The following PLPP4 variants were observed in gnomAD, a reference collection of about 807,000 sequenced individuals.
The protein encoded by PLPP4 is diacylglycerol pyrophosphate like 2.
PLPP4 carries 20 observed loss-of-function variants against 32.2 expected under a neutral mutation model. The ratio of observed to expected loss-of-function variants is 0.62; its 90% confidence interval spans 0.44 to 0.90. The LOEUF is 0.90. Ranked by LOEUF, PLPP4 falls within the 40% of genes least tolerant of loss-of-function variation. The pLI is 0.00. For synonymous variants in PLPP4, 127 were observed against 133.0 expected, an observed-to-expected ratio of 0.95 and a Z score of 0.31; for missense variants, 257 against 353.1, an observed-to-expected ratio of 0.73 and a Z score of 2.18.
intron 1 of PLPP4, among the ~76,000 whole-genome samples, chr10:120,497,231 G>A (rs1303476556): frequency 1.3e-5 from 2 of 152,180 alleles, no homozygotes; most frequent in African/African-American, 2.4e-5. Flanking sequence ...GGAGGGGTGT[G>A]TGGTTTTCTG....
intron 2 of PLPP4, among the ~76,000 whole-genome samples, chr10:120,507,624 A>G (rs1190492604): frequency 6.6e-6 from 1 of 152,148 alleles, no homozygotes; most frequent in Non-Finnish European, 1.5e-5. Context: ...TCTCACTTGG[A>G]GGCACTCCGC....
At position 120,574,479 on chromosome 10, in the gene PLPP4, G is replaced by A. The variant is rs78388980; in HGVS notation, c.446-652G>A. Among the ~76,000 whole-genome samples, 1,466 of 152,256 alleles carry A rather than the reference G, an allele frequency of 9.6e-3. 21 individuals carry two copies. The highest frequency in any genetic ancestry group is 0.034 in the African/African-American group (1,419 of 41,516). On this transcript the variant is annotated intron_variant, in intron 5 of 6. Transcript: ENST00000398250. ...AATGGATTTAGCACAGCCATGAGTT[G>A]TCTTTGCAATTCAGAAAAAACAATA...
At chr10:120,535,645 A>G (rs1463191139) in intron 5 of PLPP4, among the ~76,000 whole-genome samples, 2 of 152,124 alleles carry the variant, frequency 1.3e-5, no homozygotes, top group African/African-American at 4.8e-5. Flanking sequence ...AGGCACATTC[A>G]TATTTATGAT....
chr10:120,475,685 A>G (rs1843870226), intron 1 of PLPP4, among the ~76,000 whole-genome samples: 1 of 152,170 alleles, frequency 6.6e-6, no homozygotes, highest in African/African-American at 2.4e-5. Context: ...CCCTGGCCTG[A>G]GGTTTCCTGT....
chr10:120,460,164 G>C (rs747882227), intron 1 of PLPP4, among the ~76,000 whole-genome samples: 6 of 152,156 alleles, frequency 3.9e-5, no homozygotes, highest in Non-Finnish European at 8.8e-5. Flanking sequence ...TTGGTTACAG[G>C]AACCCAGTGT....
At chr10:120,547,960 A>C (rs1257982473) in intron 5 of PLPP4, among the ~76,000 whole-genome samples, 2 of 152,154 alleles carry the variant, frequency 1.3e-5, no homozygotes, top group Non-Finnish European at 2.9e-5. Flanking sequence ...AAATATGCTG[A>C]TTTGTTTTAG....
chr10:120,575,365 T>G, intron 6 of PLPP4, 64 bp downstream of exon 6: 1 of 1,523,682 alleles, frequency 6.6e-7, no homozygotes, highest in Non-Finnish European at 9.0e-7. Flanking sequence ...CAGGGATGGG[T>G]GTAGAAATGC....
chr10:120,476,031 A>G (rs1422558680), intron 1 of PLPP4, among the ~76,000 whole-genome samples: 1 of 152,144 alleles, frequency 6.6e-6, no homozygotes, highest in Non-Finnish European at 1.5e-5. Context: ...AGGCCCAGGG[A>G]ACATGGAGAC....
intron 5 of PLPP4, among the ~76,000 whole-genome samples, chr10:120,532,323 T>TG (rs1009888735): frequency 1.3e-5 from 2 of 152,208 alleles, no homozygotes; most frequent in African/African-American, 4.8e-5. Flanking sequence ...GATGGGCATT[T>TG]GGGTTGGTTC....
rs531049578 is a variant in PLPP4, at chr10:120,592,010, T to C, written c.*2508T>C. Among the ~76,000 whole-genome samples the C allele has an allele frequency of 2.0e-5, 3 of 152,338 alleles. No homozygotes were observed. In the East Asian group the frequency reaches 5.8e-4, roughly 29 times the overall value. On this transcript the variant is annotated 3_prime_UTR_variant, in exon 7 of 7. Transcript: ENST00000398250. Reference sequence around the variant, plus strand: ...CCTTATGTTTCAATTTCATGCTCTATTCACGTGAAGTAAATATAACATCAC... The same window carrying C: ...CCTTATGTTTCAATTTCATGCTCTACTCACGTGAAGTAAATATAACATCAC...
intron 5 of PLPP4, among the ~76,000 whole-genome samples, chr10:120,560,714 C>G (rs1192155802): frequency 1.3e-5 from 2 of 152,122 alleles, no homozygotes; most frequent in Admixed American, 6.5e-5. Flanking sequence ...GAGATTGCAC[C>G]ACTGCACTCC....
rs369806087 is a variant in PLPP4 at position 120,518,868 on chromosome 10, A to G, written c.292A>G (p.Thr98Ala). The change falls in exon 4 of 7, where the codon ACA becomes GCA. Residue 98 changes from threonine to alanine, a missense_variant. Coordinates refer to ENST00000398250, the MANE Select transcript of PLPP4 (RefSeq NM_001030059.3). ...GGCTCTTGCTTTGAATGGAGTCTGC[A>G]CAAACACTATTAAATTAATAGTGGG... The part of the protein sequence containing the change: ...SLALALNGVC[T>A]NTIKLIVGRP... 38 of 1,612,938 alleles carry G rather than the reference A, an allele frequency of 2.4e-5. No individual in the cohort carries two copies. Among genetic ancestry groups the G allele is most frequent in the Non-Finnish European group, 2.9e-5 (34 of 1,179,462 alleles).
chr10:120,528,300 T>C (rs1375816567), intron 5 of PLPP4, among the ~76,000 whole-genome samples: 1 of 152,050 alleles, frequency 6.6e-6, no homozygotes, highest in Non-Finnish European at 1.5e-5. Context: ...GGTCTCCATC[T>C]CCTGACCTCG....
chr10:120,471,335 T>C (rs1848509826), intron 1 of PLPP4, among the ~76,000 whole-genome samples: 2 of 122,928 alleles, frequency 1.6e-5, no homozygotes, highest in Admixed American at 9.5e-5. Flanking sequence ...TTATCCCCTT[T>C]GTTTCTTTCT....
chr10:120,500,725 G>A (rs1159156104), intron 1 of PLPP4, among the ~76,000 whole-genome samples: 1 of 152,120 alleles, frequency 6.6e-6, no homozygotes, highest in African/African-American at 2.4e-5. Context: ...TTCAGAGCTT[G>A]CAACAGTTGG....
At chr10:120,463,322 G>A (rs994330927) in intron 1 of PLPP4, among the ~76,000 whole-genome samples, 5 of 152,086 alleles carry the variant, frequency 3.3e-5, no homozygotes, top group Non-Finnish European at 5.9e-5. Flanking sequence ...CACCGTGCCC[G>A]GCCTAGAAAC....
intron 5 of PLPP4, among the ~76,000 whole-genome samples, chr10:120,558,075 C>T (rs1017258153): frequency 4.0e-5 from 6 of 151,170 alleles, no homozygotes; most frequent in African/African-American, 1.4e-4. Context: ...TCCATGTACC[C>T]AGCACTTGGT....
intron 1 of PLPP4, among the ~76,000 whole-genome samples, chr10:120,469,349 T>C (rs932986161): frequency 2.0e-5 from 3 of 151,512 alleles, no homozygotes; most frequent in African/African-American, 7.3e-5. Flanking sequence ...TGCCTCAGCC[T>C]CCCAGGTAGC....
chr10:120,505,060 C>T lies in PLPP4; in HGVS notation c.165+1134C>T, dbSNP rs137897552. Reference sequence around the variant, plus strand: ...CACTGCCTATATGCCAGGCTTTTTGCGGAGAGCTTAAGAAATGGTGGTCTA... The same window carrying T: ...CACTGCCTATATGCCAGGCTTTTTGTGGAGAGCTTAAGAAATGGTGGTCTA... On this transcript the variant is annotated intron_variant, in intron 2 of 6. Coordinates refer to ENST00000398250, the MANE Select transcript of PLPP4 (RefSeq NM_001030059.3). Among the ~76,000 whole-genome samples, 967 of 152,340 alleles carry T rather than the reference C, an allele frequency of 6.3e-3. 3 individuals are homozygous for T. Among genetic ancestry groups the T allele is most frequent in the Non-Finnish European group, 8.5e-3 (580 of 68,028 alleles).
Sources: allele counts gnomAD v4.1 joint callset (sites outside exome capture counted in the v4.1 genomes callset), GRCh38; gene constraint gnomAD v4.1.1; transcripts MANE v1.5; gene names NCBI Gene and HGNC (gene_info 2026-07-23, HGNC 2026-07-21).